Variants in NXPH1 observed in about 807,000 individuals in gnomAD.
NXPH1 encodes neurexophilin-1.
Under a neutral mutation model 23.7 loss-of-function variants are expected in NXPH1, and 5 were observed. The observed-to-expected ratio is 0.21, with a 90% CI of 0.11 to 0.44. The LOEUF is 0.44. NXPH1 is among the 20% of genes least tolerant of loss of function. The pLI, the probability that NXPH1 is intolerant of heterozygous loss-of-function variation, is 0.99. For synonymous variants in NXPH1, 144 were observed against 122.2 expected (o/e 1.18, Z -1.18); for missense variants, 324 against 321.6 (o/e 1.01, Z -0.06).
At chr7:8,558,723 T>G (rs1818398515) in intron 2 of NXPH1, among the ~76,000 whole-genome samples, 1 of 151,714 alleles carries the variant, frequency 6.6e-6, no homozygotes, top group South Asian at 2.1e-4. Flanking sequence ...TCCTTGTTAT[T>G]TTTAAATTAA....
chr7:8,736,812 A>G (rs909547766), intron 2 of NXPH1, among the ~76,000 whole-genome samples: 15 of 152,070 alleles, frequency 9.9e-5, no homozygotes, highest in Middle Eastern at 3.2e-3. Context: ...GGGTGCTCCT[A>G]TATTGGGTGC....
chr7:8,450,280 C>T (rs979674062), intron 2 of NXPH1, among the ~76,000 whole-genome samples: 12 of 152,140 alleles, frequency 7.9e-5, no homozygotes, highest in African/African-American at 1.7e-4. Context: ...TGAGTCCTGC[C>T]ATGCTGACAG....
intron 2 of NXPH1, among the ~76,000 whole-genome samples, chr7:8,524,262 A>AAT: frequency 6.8e-6 from 1 of 147,574 alleles, no homozygotes; most frequent in East Asian, 2.0e-4. Flanking sequence ...AAAAAAAAAA[A>AAT]AAGGAAAGCT....
intron 2 of NXPH1, among the ~76,000 whole-genome samples, chr7:8,447,400 T>C (rs1210640655): frequency 1.3e-5 from 2 of 152,252 alleles, no homozygotes; most frequent in Non-Finnish European, 2.9e-5. Flanking sequence ...CTGGTCTTGA[T>C]GTGGAACTTA....
chr7:8,438,938 A>G (rs1364231165), intron 2 of NXPH1, among the ~76,000 whole-genome samples: 1 of 152,222 alleles, frequency 6.6e-6, no homozygotes, highest in Non-Finnish European at 1.5e-5. Context: ...CTTCTGAAGC[A>G]TGTTAGCTGG....
intron 2 of NXPH1, among the ~76,000 whole-genome samples, chr7:8,673,521 A>C (rs1820900782): frequency 6.6e-6 from 1 of 152,154 alleles, no homozygotes; most frequent in Non-Finnish European, 1.5e-5. Flanking sequence ...GTGGCATTAG[A>C]GTTAAGTGCA....
At chr7:8,735,621 G>T (rs1049938172) in intron 2 of NXPH1, among the ~76,000 whole-genome samples, 1 of 152,162 alleles carries the variant, frequency 6.6e-6, no homozygotes, top group East Asian at 1.9e-4. Flanking sequence ...GTCTCTGCCA[G>T]GTTTTGGTAC....
intron 2 of NXPH1, among the ~76,000 whole-genome samples, chr7:8,606,625 GGCAAAGA>G (rs1819498741): frequency 7.4e-6 from 1 of 135,432 alleles, no homozygotes; most frequent in African/African-American, 3.0e-5. Flanking sequence ...TTTTGTACTG[GGCAAAGA>G]TACAGGACTG....
intron 2 of NXPH1, among the ~76,000 whole-genome samples, chr7:8,750,039 C>G (rs1459117345): frequency 6.6e-6 from 1 of 152,214 alleles, no homozygotes; most frequent in African/African-American, 2.4e-5. Flanking sequence ...GAAGTGACCT[C>G]TCAGTCATTG....
intron 2 of NXPH1, among the ~76,000 whole-genome samples, chr7:8,511,983 A>G (rs529599100): frequency 2.6e-5 from 4 of 152,266 alleles, no homozygotes; most frequent in African/African-American, 7.2e-5. Flanking sequence ...GCGCTCAGCC[A>G]GGGCAGATGC....
intron 2 of NXPH1, among the ~76,000 whole-genome samples, chr7:8,462,722 A>T (rs1816716466): frequency 6.6e-6 from 1 of 152,250 alleles, no homozygotes; most frequent in African/African-American, 2.4e-5. Flanking sequence ...TGTACATGAT[A>T]TATACAATTT....
intron 2 of NXPH1, among the ~76,000 whole-genome samples, chr7:8,477,314 C>T (rs1176001936): frequency 6.6e-6 from 1 of 152,000 alleles, no homozygotes; most frequent in Non-Finnish European, 1.5e-5. Flanking sequence ...CCCTACCAAT[C>T]CCCTGCTGTT....
intron 2 of NXPH1, among the ~76,000 whole-genome samples, chr7:8,672,815 C>T (rs1820891923): frequency 6.6e-6 from 1 of 152,144 alleles, no homozygotes; most frequent in African/African-American, 2.4e-5. Context: ...TTTCTTATCC[C>T]ACAGTCTGCT....
intron 2 of NXPH1, among the ~76,000 whole-genome samples, chr7:8,608,323 T>G (rs1198993415): frequency 1.4e-5 from 2 of 140,504 alleles, no homozygotes; most frequent in Admixed American, 7.7e-5. Context: ...TCTTAAAAAT[T>G]CAGTGATTTT....
At chr7:8,725,032 G>A (rs1008023205) in intron 2 of NXPH1, among the ~76,000 whole-genome samples, 7 of 152,192 alleles carry the variant, frequency 4.6e-5, no homozygotes, top group African/African-American at 1.7e-4. Flanking sequence ...TAGTAACCCA[G>A]TGCTAGGAAT....
At chr7:8,611,793 C>T (rs1413413994) in intron 2 of NXPH1, among the ~76,000 whole-genome samples, 1 of 152,032 alleles carries the variant, frequency 6.6e-6, no homozygotes, top group African/African-American at 2.4e-5. Context: ...TGCATCTATC[C>T]AGCCACTCAG....
intron 2 of NXPH1, among the ~76,000 whole-genome samples, chr7:8,506,178 C>G (rs2189902): frequency 0.18 from 28,112 of 151,990 alleles, 2,733 homozygotes; most frequent in East Asian, 0.28. Context: ...TTCAATATTT[C>G]TAATACATTT....
intron 2 of NXPH1, among the ~76,000 whole-genome samples, chr7:8,520,707 T>C (rs1348260017): frequency 6.6e-6 from 1 of 152,154 alleles, no homozygotes; most frequent in African/African-American, 2.4e-5. Flanking sequence ...TTCCCATCTG[T>C]TAATGGGGAT....
intron 2 of NXPH1, among the ~76,000 whole-genome samples, chr7:8,506,437 A>G (rs1373760582): frequency 2.0e-5 from 3 of 152,214 alleles, no homozygotes; most frequent in African/African-American, 4.8e-5. Flanking sequence ...TTAAGTGAGA[A>G]AAGATGTTTG....
Sources: allele counts gnomAD v4.1 joint callset (sites outside exome capture counted in the v4.1 genomes callset), GRCh38; gene constraint gnomAD v4.1.1; transcripts MANE v1.5; gene names NCBI Gene and HGNC (gene_info 2026-07-23, HGNC 2026-07-21).